JPH1: variants seen among roughly 807,000 people sequenced by gnomAD.
The protein encoded by JPH1 is junctophilin 1.
JPH1 carries 12 observed loss-of-function variants against 53.6 expected under a neutral mutation model. The observed-to-expected ratio is 0.22, with a 90% CI of 0.14 to 0.36. JPH1 has a LOEUF of 0.36. JPH1 is among the 10% of genes least tolerant of loss of function. The probability of loss-of-function intolerance (pLI) is 1.00; values close to 1 mark genes in which losing one functional copy is unlikely to be tolerated. For missense variants in JPH1, 808 were observed against 905.5 expected (o/e 0.89, Z 1.38); for synonymous variants, 375 against 363.8 (o/e 1.03, Z -0.35).
intron 2 of JPH1, among the ~76,000 whole-genome samples, chr8:74,293,984 T>G (rs1336147044): frequency 6.6e-6 from 1 of 151,944 alleles, no homozygotes; most frequent in Non-Finnish European, 1.5e-5. Context: ...CAGACCAGGG[T>G]CCCCCTTCAC....
At chr8:74,242,831 C>T (rs1289065280) in intron 4 of JPH1, among the ~76,000 whole-genome samples, 1 of 152,212 alleles carries the variant, frequency 6.6e-6, no homozygotes, top group Non-Finnish European at 1.5e-5. Flanking sequence ...GGATGCTTGT[C>T]TAACTCCAAG....
intron 2 of JPH1, among the ~76,000 whole-genome samples, chr8:74,280,642 T>C (rs1436180076): frequency 6.6e-6 from 1 of 152,140 alleles, no homozygotes; most frequent in Non-Finnish European, 1.5e-5. Context: ...TTGTCTACTG[T>C]GGATTCAGCA....
Position 74,314,905 on chromosome 8 carries a change from C to G in JPH1, c.1095G>C (p.Arg365Ser). Residue 365 changes from arginine to serine, a missense_variant, in exon 2 of 6, where the codon AGG becomes AGC. Coordinates refer to ENST00000342232, the MANE Select transcript of JPH1 (RefSeq NM_020647.4). ...CTTTGGTTCTGGCCATGGCAGCTGC[C>G]CTTTGGGCGCCTTCAATTGCTCTGT... ...KVDRAIEGAQ[R>S]AAAMARTKVE... is the part of the protein sequence containing the mutation. 1 of 1,614,132 alleles carries G rather than the reference C, an allele frequency of 6.2e-7. No individual in the cohort carries two copies. The highest frequency in any genetic ancestry group is 8.5e-7 in the Non-Finnish European group (1 of 1,180,030).
At chr8:74,314,736 A>T in intron 2 of JPH1, 125 bp downstream of exon 2, 1 of 1,116,252 alleles carries the variant, frequency 9.0e-7, no homozygotes, top group Non-Finnish European at 1.3e-6. Context: ...ATCATTTTTC[A>T]CCTTTGATTT....
chr8:74,237,802 CTGTT>C (rs1365052596), intron 4 of JPH1, among the ~76,000 whole-genome samples: 2 of 152,328 alleles, frequency 1.3e-5, no homozygotes, highest in Admixed American at 1.3e-4. Context: ...CCCTGGTCCT[CTGTT>C]TGGACACCAC....
chr8:74,310,580 A>C (rs1807964271), intron 2 of JPH1, among the ~76,000 whole-genome samples: 1 of 152,124 alleles, frequency 6.6e-6, no homozygotes. Flanking sequence ...GGAATTATAC[A>C]GGGGCCCATA....
intron 2 of JPH1, among the ~76,000 whole-genome samples, chr8:74,260,704 C>A (rs765830233): frequency 1.3e-5 from 2 of 152,076 alleles, no homozygotes; most frequent in Non-Finnish European, 2.9e-5. Flanking sequence ...GCTCCTGGGA[C>A]CAAAACACGG....
intron 2 of JPH1, among the ~76,000 whole-genome samples, chr8:74,280,075 T>C (rs1021100431): frequency 6.6e-6 from 1 of 152,184 alleles, no homozygotes; most frequent in African/African-American, 2.4e-5. Flanking sequence ...TTCCTATCAT[T>C]TGAATGATAA....
intron 2 of JPH1, among the ~76,000 whole-genome samples, chr8:74,263,723 C>T (rs1433535405): frequency 6.6e-6 from 1 of 152,224 alleles, no homozygotes; most frequent in Non-Finnish European, 1.5e-5. Flanking sequence ...CTCCTCTCTG[C>T]CATTTTATTT....
rs563958975 is a variant in JPH1 at position 74,259,439 on chromosome 8, A to G, written c.1204T>C (p.Cys402Arg). The G allele has an allele frequency of 6.2e-7, 1 of 1,613,554 alleles. No individual in the cohort carries two copies. The highest frequency in any genetic ancestry group is 1.7e-5 in the Admixed American group (1 of 59,956). ...DQAALAARQE[C>R]DIARAVAREL... The stretch of plus-strand genomic sequence containing the variant: ...CTGGCCACAGCTCTCGCGATGTCGC[A>G]CTCCTGGCGAGCGGCCAGCGCGGCC... Residue 402 changes from cysteine to arginine, a missense_variant, in exon 3 of 6, where the codon TGC becomes CGC. Physicochemically the swap from Cys to Arg is radical, Grantham distance 180 (BLOSUM62 -3). Coordinates refer to ENST00000342232, the MANE Select transcript of JPH1 (RefSeq NM_020647.4).
At chr8:74,274,726 A>C (rs1348571347) in intron 2 of JPH1, among the ~76,000 whole-genome samples, 1 of 152,206 alleles carries the variant, frequency 6.6e-6, no homozygotes, top group African/African-American at 2.4e-5. Flanking sequence ...GTAAACTTTC[A>C]CAGTTCAAAG....
At chr8:74,260,404 GA>G (rs1012131382) in intron 2 of JPH1, among the ~76,000 whole-genome samples, 1 of 152,052 alleles carries the variant, frequency 6.6e-6, no homozygotes, top group South Asian at 2.1e-4. Context: ...TTGGAGGGAA[GA>G]AAAAAACTCT....
At chr8:74,272,243 A>G (rs1415175273) in intron 2 of JPH1, among the ~76,000 whole-genome samples, 2 of 147,184 alleles carry the variant, frequency 1.4e-5, no homozygotes, top group East Asian at 4.1e-4. Context: ...CAACATACTT[A>G]ATGATCTACA....
intron 2 of JPH1, among the ~76,000 whole-genome samples, chr8:74,283,661 G>A (rs1049638647): frequency 6.6e-6 from 1 of 152,158 alleles, no homozygotes; most frequent in African/African-American, 2.4e-5. Flanking sequence ...TCTTATAGTG[G>A]CATAATATAC....
At position 74,250,961 on chromosome 8, in the gene JPH1, G is replaced by C. The variant is rs374571748; in HGVS notation, c.1259-5786C>G. ...CTCTCCTTGTTGGCAGAACTCCATG[G>C]AAAGCTCAGCCAAAATTAGAAAGTT... is the stretch of plus-strand genomic sequence containing the variant. On this transcript the variant is annotated intron_variant, in intron 3 of 5. Coordinates refer to ENST00000342232, the MANE Select transcript of JPH1 (RefSeq NM_020647.4). Among the ~76,000 whole-genome samples the C allele has an allele frequency of 5.9e-5, 9 of 152,188 alleles. No individual in the cohort carries two copies. In the East Asian group the frequency reaches 9.6e-4, roughly 16 times the overall value.
intron 2 of JPH1, among the ~76,000 whole-genome samples, chr8:74,306,393 A>C (rs1308454971): frequency 6.6e-6 from 1 of 152,222 alleles, no homozygotes. Flanking sequence ...AATGTGACGA[A>C]GTTAGACTAG....
chr8:74,301,371 G>A (rs529620256), intron 2 of JPH1, among the ~76,000 whole-genome samples: 1 of 152,192 alleles, frequency 6.6e-6, no homozygotes, highest in Non-Finnish European at 1.5e-5. Context: ...TCCTCCCGAT[G>A]CACTTTCCAA....
chr8:74,252,835 G>T (rs936669477), intron 3 of JPH1, among the ~76,000 whole-genome samples: 3 of 152,026 alleles, frequency 2.0e-5, no homozygotes, highest in Non-Finnish European at 4.4e-5. Flanking sequence ...TCAACAAGAA[G>T]AACTAACTAT....
intron 3 of JPH1, among the ~76,000 whole-genome samples, chr8:74,246,581 G>T (rs73686054): frequency 0.059 from 7,837 of 133,070 alleles, 646 homozygotes; most frequent in African/African-American, 0.21. Context: ...TTTACTGAAA[G>T]GGAAACAGCT....
Sources: gnomAD v4.1 joint callset for allele counts (sites outside exome capture counted in the v4.1 genomes callset) on GRCh38, gnomAD v4.1.1 for gene constraint, MANE v1.5 for transcripts, NCBI Gene and HGNC (gene_info 2026-07-23, HGNC 2026-07-21) for gene names.